The following SGIP1 variants were observed in gnomAD, a reference collection of about 807,000 sequenced individuals.
SGIP1 encodes SH3-containing GRB2-like protein 3-interacting protein 1.
A neutral mutation model predicts 107.5 loss-of-function variants in SGIP1; 38 were observed. The ratio of observed to expected loss-of-function variants is 0.35; its 90% CI spans 0.27 to 0.46. The LOEUF (loss-of-function observed/expected upper bound fraction) is 0.46, where lower values mean the gene tolerates loss of function less well. SGIP1 is among the 20% of genes least tolerant of loss of function. The pLI is 1.00. For synonymous variants in SGIP1, 365 were observed against 366.1 expected (o/e 1.00, Z 0.03); for missense variants, 929 against 1,019.5 (o/e 0.91, Z 1.21).
intron 7 of SGIP1, among the ~76,000 whole-genome samples, chr1:66,659,839 G>C (rs1340130592): frequency 6.6e-6 from 1 of 150,774 alleles, no homozygotes; most frequent in Non-Finnish European, 1.5e-5. Flanking sequence ...GAAACCAGGA[G>C]TTGAGGGTTT....
At chr1:66,680,700 A>G (rs889878688) in intron 14 of SGIP1, among the ~76,000 whole-genome samples, 2 of 152,224 alleles carry the variant, frequency 1.3e-5, no homozygotes, top group Admixed American at 1.3e-4. Context: ...ACCTACTAGC[A>G]CAAGATTATA....
intron 19 of SGIP1, among the ~76,000 whole-genome samples, chr1:66,723,704 A>G (rs963946284): frequency 2.0e-5 from 3 of 152,196 alleles, no homozygotes; most frequent in Admixed American, 6.5e-5. Flanking sequence ...TGCCTGGTAT[A>G]TTGTGTAGGC....
At chr1:66,670,771 CTT>C (rs1274531803) in intron 9 of SGIP1, among the ~76,000 whole-genome samples, 1 of 152,116 alleles carries the variant, frequency 6.6e-6, no homozygotes, top group Non-Finnish European at 1.5e-5. Context: ...CTTCAGAAGA[CTT>C]ACGATTTACC....
intron 1 of SGIP1, among the ~76,000 whole-genome samples, chr1:66,618,563 G>T (rs926923611): frequency 6.6e-6 from 1 of 152,128 alleles, no homozygotes; most frequent in Non-Finnish European, 1.5e-5. Context: ...TCAACATCTT[G>T]GTCTTGTTAC....
chr1:66,698,768 A>G (rs1374593093), intron 18 of SGIP1, among the ~76,000 whole-genome samples: 1 of 152,086 alleles, frequency 6.6e-6, no homozygotes, highest in African/African-American at 2.4e-5. Context: ...TATTTTCATG[A>G]CAAATATTAA....
chr1:66,569,260 G>A (rs768377445), intron 1 of SGIP1, among the ~76,000 whole-genome samples: 106 of 152,030 alleles, frequency 7.0e-4, no homozygotes, highest in Non-Finnish European at 1.2e-3. Flanking sequence ...TTGGTGCAAT[G>A]TTGAAAGGGA....
intron 1 of SGIP1, among the ~76,000 whole-genome samples, chr1:66,595,780 C>G (rs2148945563): frequency 6.6e-6 from 1 of 152,326 alleles, no homozygotes; most frequent in South Asian, 2.1e-4. Flanking sequence ...CAAACTGGAT[C>G]TATCTCAAGG....
chr1:66,695,271 AGTG>A, intron 17 of SGIP1, 160 bp from the exon 18 acceptor site: 1 of 1,325,974 alleles, frequency 7.5e-7, no homozygotes, highest in East Asian at 2.9e-5. Flanking sequence ...AAAAAAAAAA[AGTG>A]TAGATTGCCA....
chr1:66,538,567 A>T (rs928628530), intron 1 of SGIP1, among the ~76,000 whole-genome samples: 1 of 152,210 alleles, frequency 6.6e-6, no homozygotes, highest in Admixed American at 6.5e-5. Flanking sequence ...TGTAGCACAT[A>T]CACTATCCAT....
At chr1:66,652,345 C>T (rs1242054989) in intron 7 of SGIP1, among the ~76,000 whole-genome samples, 1 of 152,002 alleles carries the variant, frequency 6.6e-6, no homozygotes, top group East Asian at 1.9e-4. Flanking sequence ...ATAAAAATAG[C>T]GAGGGAGGAC....
At chr1:66,679,974 C>T (rs370227400) in intron 14 of SGIP1, among the ~76,000 whole-genome samples, 1 of 152,068 alleles carries the variant, frequency 6.6e-6, no homozygotes, top group Non-Finnish European at 1.5e-5. Context: ...TTAATTTTTC[C>T]TTGGTATAAT....
intron 1 of SGIP1, among the ~76,000 whole-genome samples, chr1:66,584,786 C>T (rs910301407): frequency 3.9e-5 from 6 of 152,176 alleles, no homozygotes; most frequent in African/African-American, 1.4e-4. Context: ...AGCCAAATTT[C>T]TGTGCTCCTG....
intron 2 of SGIP1, among the ~76,000 whole-genome samples, chr1:66,627,420 A>G (rs770865310): frequency 3.3e-5 from 5 of 152,290 alleles, no homozygotes; most frequent in Admixed American, 2.0e-4. Flanking sequence ...AAATGTGATA[A>G]TGGAAGGCAA....
chr1:66,726,785 A>G (rs1004940163), intron 19 of SGIP1, among the ~76,000 whole-genome samples: 4 of 152,186 alleles, frequency 2.6e-5, no homozygotes, highest in Non-Finnish European at 5.9e-5. Context: ...ATGTAAACTC[A>G]AAGATTTTTT....
intron 7 of SGIP1, among the ~76,000 whole-genome samples, chr1:66,652,565 G>A (rs1355955260): frequency 6.6e-6 from 1 of 152,144 alleles, no homozygotes; most frequent in Non-Finnish European, 1.5e-5. Context: ...AATATGAGGA[G>A]GGGGAAATAG....
intron 1 of SGIP1, among the ~76,000 whole-genome samples, chr1:66,575,716 A>G (rs1024753236): frequency 6.6e-6 from 1 of 152,174 alleles, no homozygotes; most frequent in Admixed American, 6.5e-5. Flanking sequence ...GTGCATGCAT[A>G]GTTTGTGGTA....
intron 7 of SGIP1, among the ~76,000 whole-genome samples, chr1:66,650,599 C>A (rs760865838): frequency 1.3e-5 from 2 of 152,128 alleles, no homozygotes; most frequent in African/African-American, 4.8e-5. Flanking sequence ...GCTCACCCTT[C>A]CTAGGGTCTC....
intron 7 of SGIP1, among the ~76,000 whole-genome samples, chr1:66,646,547 T>G (rs2077700813): frequency 6.6e-6 from 1 of 152,216 alleles, no homozygotes. Flanking sequence ...TATGTATCCA[T>G]GAACTATAAC....
chr1:66,581,111 C>T (rs992549997), intron 1 of SGIP1, among the ~76,000 whole-genome samples: 5 of 152,070 alleles, frequency 3.3e-5, no homozygotes, highest in African/African-American at 1.2e-4. Context: ...CTCAAAATCT[C>T]ACTCTATTGA....
Sources: gnomAD v4.1 joint callset for allele counts (sites outside exome capture counted in the v4.1 genomes callset) on GRCh38, gnomAD v4.1.1 for gene constraint, MANE v1.5 for transcripts, NCBI Gene and HGNC (gene_info 2026-07-23, HGNC 2026-07-21) for gene names.